Variants in KDM3B observed in about 807,000 individuals in gnomAD.
KDM3B encodes lysine demethylase 3B.
A neutral mutation model predicts 170.0 loss-of-function variants in KDM3B; 10 were observed. That is an observed-to-expected ratio of 0.06 (90% CI 0.04 to 0.10). The LOEUF is 0.10. Among genes scored for constraint, KDM3B ranks in the 10% least tolerant of loss-of-function variants. The pLI is 1.00. For synonymous variants in KDM3B, 831 were observed against 834.8 expected (o/e 1.00, Z 0.08); for missense variants, 1,394 against 2,195.2 (o/e 0.64, Z 7.29).
chr5:138,408,556 C>A (rs1202458506), intron 11 of KDM3B, among the ~76,000 whole-genome samples: 2 of 152,110 alleles, frequency 1.3e-5, no homozygotes, highest in East Asian at 1.9e-4. Context: ...GAAGCACTTA[C>A]CAGCTCGTTT....
Position 138,418,990 on chromosome 5 carries a change from A to G in KDM3B, c.3473A>G (p.Glu1158Gly). 2.5e-6 allele frequency: 4 copies of G among 1,614,190 alleles called. No individual in the cohort carries two copies. Among genetic ancestry groups the G allele is most frequent in the Non-Finnish European group, 3.4e-6 (4 of 1,180,052 alleles). ...AACCCTAGTGCCTCTTCTGGAAACG[A>G]AACTACCTTCTCTGGTGGAGGAGGA... ...SINPSASSGN[E>G]TTFSGGGGPA... The change falls in exon 14 of 24, where the codon GAA becomes GGA. Residue 1158 changes from glutamate (E) to glycine (G), a missense_variant. Glu to Gly is a moderately conservative substitution (Grantham distance 98). Coordinates refer to ENST00000314358, the MANE Select transcript of KDM3B (RefSeq NM_016604.4).
chr5:138,420,611 CT>C lies in KDM3B; in HGVS notation c.3716-92del, dbSNP rs1763248476. ...GGGGGTGCAAGGGAAAGGAGAGAAT[CT>C]TTCCTCCTTCCCATGTGACTGATTT... On this transcript the variant is annotated intron_variant, in intron 14 of 23. Transcript: ENST00000314358. 5.9e-6 allele frequency: 8 copies of C among 1,349,434 alleles called. No homozygotes were observed. In the Middle Eastern group the frequency reaches 5.7e-4, roughly 96 times the overall value. The allele number at this position is 1,349,434 out of a possible 1,614,324, so 83.6% of individuals were successfully genotyped here.
intron 15 of KDM3B, among the ~76,000 whole-genome samples, chr5:138,422,617 G>A (rs1763300234): frequency 1.3e-5 from 2 of 152,100 alleles, no homozygotes; most frequent in South Asian, 2.1e-4. Flanking sequence ...TCCAGCCTGG[G>A]TGACAGAGGG....
rs1762480242 is a variant in KDM3B, at chr5:138,393,381, AC to A, written c.2831+10del. 6.2e-7 allele frequency: 1 copy of A among 1,610,112 alleles called. No individual in the cohort carries two copies. Among genetic ancestry groups the A allele is most frequent in the South Asian group, 1.1e-5 (1 of 90,708 alleles). On this transcript the variant is annotated intron_variant, in intron 9 of 23. Coordinates refer to ENST00000314358, the MANE Select transcript of KDM3B (RefSeq NM_016604.4). ...TTCTTTCACTTCCGGAGGTACCCAA[AC>A]TCCTGTTTTCCTCCTTTGCTAGTTT... is the stretch of plus-strand genomic sequence containing the variant.
intron 4 of KDM3B, among the ~76,000 whole-genome samples, chr5:138,379,220 A>T (rs1172270909): frequency 6.6e-6 from 1 of 152,132 alleles, no homozygotes; most frequent in Non-Finnish European, 1.5e-5. Context: ...ATGTAGTTAG[A>T]TACATGTCAG....
intron 9 of KDM3B, 130 bp downstream of exon 9, chr5:138,393,502 G>A (rs1245436196): frequency 1.9e-5 from 14 of 729,704 alleles, no homozygotes; most frequent in Admixed American, 5.2e-5. Context: ...TGCTCTCAGC[G>A]TCTGTGAAGA....
At chr5:138,384,596 G>A (rs1292402141) in intron 6 of KDM3B, among the ~76,000 whole-genome samples, 1 of 151,976 alleles carries the variant, frequency 6.6e-6, no homozygotes, top group Non-Finnish European at 1.5e-5. Flanking sequence ...AAAATTAGCT[G>A]GGCATGGTGG....
chr5:138,371,584 A>G (rs1315055543), intron 1 of KDM3B, among the ~76,000 whole-genome samples: 1 of 152,182 alleles, frequency 6.6e-6, no homozygotes, highest in African/African-American at 2.4e-5. Flanking sequence ...GAAGTGGAGT[A>G]TCTGTTCAGG....
At chr5:138,353,047 C>T (rs1275987348) in intron 1 of KDM3B, 60 bp downstream of exon 1, 1 of 1,181,184 alleles carries the variant, frequency 8.5e-7, no homozygotes, top group Non-Finnish European at 1.1e-6. Flanking sequence ...GGGCGGCCTC[C>T]CCGGGGGCCT....
At chr5:138,413,953 G>A (rs1763039087) in intron 11 of KDM3B, among the ~76,000 whole-genome samples, 1 of 152,026 alleles carries the variant, frequency 6.6e-6, no homozygotes. Context: ...CCAAAAATTG[G>A]AAACAGTCCA....
At chr5:138,399,357 G>A (rs1762624184) in intron 10 of KDM3B, among the ~76,000 whole-genome samples, 1 of 151,450 alleles carries the variant, frequency 6.6e-6, no homozygotes, top group South Asian at 2.1e-4. Flanking sequence ...GGCCAATATG[G>A]TGAAACCCCA....
chr5:138,364,286 T>G (rs1055896560), intron 1 of KDM3B, among the ~76,000 whole-genome samples: 2 of 152,232 alleles, frequency 1.3e-5, no homozygotes, highest in Non-Finnish European at 2.9e-5. Context: ...GGTGCTTTTC[T>G]CTATTTTCCA....
intron 14 of KDM3B, among the ~76,000 whole-genome samples, chr5:138,419,656 A>G (rs1305690934): frequency 1.8e-5 from 2 of 113,356 alleles, no homozygotes; most frequent in Non-Finnish European, 3.6e-5. Context: ...CTGTCTCAAA[A>G]AAAAAAAAAA....
rs1360940681 is a variant in KDM3B at position 138,372,787 on chromosome 5, G to C, written c.306G>C (p.Glu102Asp). Residue 102 changes from glutamate to aspartate, a missense_variant, in exon 2 of 24, where the codon GAG (glutamate) becomes GAC (aspartate). Coordinates refer to ENST00000314358, the MANE Select transcript of KDM3B (RefSeq NM_016604.4). ...GGTCTCTTGTATGGGCGCCCCGTGAGGACCCAGTCCTTCTCCAGGGCATTC... is the reference window on the plus strand; with the variant it reads ...GGTCTCTTGTATGGGCGCCCCGTGACGACCCAGTCCTTCTCCAGGGCATTC... The part of the protein sequence containing the change: ...LEGSLVWAPR[E>D]DPVLLQGIRV... 6.2e-7 allele frequency: 1 copy of C among 1,613,996 alleles called. No homozygotes were observed. Among genetic ancestry groups the C allele is most frequent in the Non-Finnish European group, 8.5e-7 (1 of 1,180,032 alleles).
intron 6 of KDM3B, 81 bp from the exon 7 acceptor site, chr5:138,385,941 A>G: frequency 1.4e-6 from 2 of 1,477,668 alleles, no homozygotes; most frequent in African/African-American, 1.4e-5. Context: ...GTCTGCTTCT[A>G]GAGATGGGAA....
Position 138,420,971 on chromosome 5 carries a change from C to A in KDM3B, c.3972+9C>A. On this transcript the variant is annotated intron_variant, in intron 15 of 23. Coordinates refer to ENST00000314358, the MANE Select transcript of KDM3B (RefSeq NM_016604.4). Reference sequence around the variant, plus strand: ...TCTCTACATCCTCAGCAGTAAGTGTCCTCTGCAACTGTAGCCTTTTCAGCT... The same window carrying A: ...TCTCTACATCCTCAGCAGTAAGTGTACTCTGCAACTGTAGCCTTTTCAGCT... The A allele has an allele frequency of 6.2e-7, 1 of 1,613,632 alleles. No homozygotes were observed. The highest frequency in any genetic ancestry group is 8.5e-7 in the Non-Finnish European group (1 of 1,179,674).
At chr5:138,422,760 G>A (rs1181322741) in intron 15 of KDM3B, among the ~76,000 whole-genome samples, 5 of 152,064 alleles carry the variant, frequency 3.3e-5, no homozygotes, top group Non-Finnish European at 5.9e-5. Context: ...TCATATGTAT[G>A]TTTTTCCCCT....
chr5:138,363,126 C>T (rs1761656572), intron 1 of KDM3B, among the ~76,000 whole-genome samples: 2 of 152,160 alleles, frequency 1.3e-5, no homozygotes, highest in East Asian at 1.9e-4. Flanking sequence ...AGTCTTCCAT[C>T]CTCCACACTT....
chr5:138,409,690 G>A (rs1762910743), intron 11 of KDM3B, among the ~76,000 whole-genome samples: 1 of 152,124 alleles, frequency 6.6e-6, no homozygotes, highest in Admixed American at 6.6e-5. Flanking sequence ...AACTGAAGTG[G>A]GAGAATCACT....
Sources: allele counts gnomAD v4.1 joint callset (sites outside exome capture counted in the v4.1 genomes callset), GRCh38; gene constraint gnomAD v4.1.1; transcripts MANE v1.5; gene names NCBI Gene and HGNC (gene_info 2026-07-23, HGNC 2026-07-21).